The following RAB38 variants were observed in gnomAD, a reference collection of about 807,000 sequenced individuals.
RAB38 encodes RAB38, member RAS oncogene family.
RAB38 carries 15 observed loss-of-function variants against 18.4 expected under a neutral mutation model. That is an observed-to-expected ratio of 0.82 (90% CI 0.55 to 1.26). RAB38 has a LOEUF of 1.26. RAB38 is among the 50% of genes most tolerant of loss of function. The pLI is 0.00. For synonymous variants in RAB38, 101 were observed against 104.4 expected (o/e 0.97, Z 0.20); for missense variants, 294 against 267.4 (o/e 1.10, Z -0.69).
the RAB38 span, among the ~76,000 whole-genome samples, chr11:87,936,687 A>G: frequency 6.6e-6 from 1 of 152,164 alleles, no homozygotes; most frequent in Admixed American, 6.6e-5. Context: ...TATAAATTTT[A>G]GAATAGTTTT....
the RAB38 span, among the ~76,000 whole-genome samples, chr11:87,867,833 T>G: frequency 6.6e-6 from 1 of 151,654 alleles, no homozygotes; most frequent in African/African-American, 2.4e-5. Context: ...ATGAAGAAAC[T>G]AAGATCCAGA....
chr11:88,103,980 C>T, the RAB38 span, among the ~76,000 whole-genome samples: 1 of 152,082 alleles, frequency 6.6e-6, no homozygotes, highest in African/African-American at 2.4e-5. Context: ...GGTCCACAAC[C>T]CCCAGTGAGT....
the RAB38 span, among the ~76,000 whole-genome samples, chr11:87,823,674 CA>C: frequency 1.3e-5 from 2 of 151,650 alleles, no homozygotes; most frequent in African/African-American, 4.8e-5. Context: ...AGTTTTTTTT[CA>C]ACAAATGGAA....
At chr11:87,950,475 T>C in the RAB38 span, among the ~76,000 whole-genome samples, 1 of 152,238 alleles carries the variant, frequency 6.6e-6, no homozygotes, top group Non-Finnish European at 1.5e-5. Flanking sequence ...AGTTTCTTCC[T>C]AGCCTCAATG....
chr11:87,827,566 C>T, the RAB38 span, among the ~76,000 whole-genome samples: 16 of 152,026 alleles, frequency 1.1e-4, no homozygotes, highest in African/African-American at 3.6e-4. Context: ...TTAATTTTCA[C>T]TGATAGTGTT....
chr11:88,087,641 C>T, the RAB38 span, among the ~76,000 whole-genome samples: 1 of 151,898 alleles, frequency 6.6e-6, no homozygotes, highest in Non-Finnish European at 1.5e-5. Flanking sequence ...ATTTAAATTG[C>T]ATGCACATTA....
the RAB38 span, among the ~76,000 whole-genome samples, chr11:87,807,905 G>A: frequency 2.0e-5 from 3 of 151,078 alleles, no homozygotes; most frequent in South Asian, 6.3e-4. Context: ...GTAGGAACAG[G>A]AAGAAAAATA....
the RAB38 span, among the ~76,000 whole-genome samples, chr11:88,088,897 G>T: frequency 6.6e-6 from 1 of 151,558 alleles, no homozygotes; most frequent in Admixed American, 6.6e-5. Context: ...AAATGCTTTA[G>T]CATCAGGCTA....
chr11:87,872,715 C>A, the RAB38 span, among the ~76,000 whole-genome samples: 3 of 151,480 alleles, frequency 2.0e-5, no homozygotes, highest in African/African-American at 7.3e-5. Flanking sequence ...TAGTATTTAG[C>A]CTTTTCAGAT....
chr11:87,808,311 G>A, the RAB38 span, among the ~76,000 whole-genome samples: 3 of 152,062 alleles, frequency 2.0e-5, no homozygotes, highest in Non-Finnish European at 2.9e-5. Context: ...CAACCTAAGT[G>A]TCCACTAACA....
the RAB38 span, among the ~76,000 whole-genome samples, chr11:87,936,809 G>A: frequency 6.6e-6 from 1 of 151,962 alleles, no homozygotes; most frequent in Non-Finnish European, 1.5e-5. Flanking sequence ...ATTGATTGTT[G>A]TATGTTTATT....
the RAB38 span, among the ~76,000 whole-genome samples, chr11:88,014,792 G>A: frequency 1.3e-5 from 2 of 152,104 alleles, no homozygotes; most frequent in African/African-American, 4.8e-5. Flanking sequence ...GTGCAATAAG[G>A]CCAGGTGGCA....
At chr11:88,150,711 C>A (rs1328135057) in intron 1 of RAB38, among the ~76,000 whole-genome samples, 1 of 152,138 alleles carries the variant, frequency 6.6e-6, no homozygotes, top group Admixed American at 6.5e-5. Flanking sequence ...TCAAATCATA[C>A]AGATAGTAAG....
the RAB38 span, among the ~76,000 whole-genome samples, chr11:87,938,511 A>G: frequency 3.3e-5 from 5 of 151,734 alleles, no homozygotes; most frequent in African/African-American, 7.3e-5. Context: ...GTTAACTGCT[A>G]TGCGTAGGGG....
chr11:87,847,239 G>C, the RAB38 span, among the ~76,000 whole-genome samples: 2 of 151,876 alleles, frequency 1.3e-5, no homozygotes, highest in Non-Finnish European at 2.9e-5. Flanking sequence ...ATGAAAATTG[G>C]CAAACCTATG....
At chr11:88,058,862 CT>C in the RAB38 span, among the ~76,000 whole-genome samples, 1 of 152,148 alleles carries the variant, frequency 6.6e-6, no homozygotes, top group African/African-American at 2.4e-5. Context: ...TTCACATTTC[CT>C]CCTTTCTTTG....
the RAB38 span, among the ~76,000 whole-genome samples, chr11:87,902,415 TG>T: frequency 1.3e-5 from 2 of 151,558 alleles, no homozygotes; most frequent in African/African-American, 4.8e-5. Flanking sequence ...CAACTGTATG[TG>T]GGGGGTCTAT....
chr11:88,170,447 A>G (rs1230414127), intron 1 of RAB38, among the ~76,000 whole-genome samples: 2 of 152,232 alleles, frequency 1.3e-5, no homozygotes, highest in Non-Finnish European at 1.5e-5. Context: ...AATCGGTACT[A>G]AAGAGATAGT....
At chr11:87,952,487 T>C in the RAB38 span, among the ~76,000 whole-genome samples, 4 of 152,194 alleles carry the variant, frequency 2.6e-5, no homozygotes, top group Non-Finnish European at 4.4e-5. Context: ...CCTGTTTAAC[T>C]TCCTATTGCT....
Sources: allele counts gnomAD v4.1 joint callset (sites outside exome capture counted in the v4.1 genomes callset), GRCh38; gene constraint gnomAD v4.1.1; transcripts MANE v1.5; gene names NCBI Gene and HGNC (gene_info 2026-07-23, HGNC 2026-07-21).